Variants in PKD1L1 observed in about 807,000 individuals in gnomAD.
PKD1L1 encodes polycystin-1-like protein 1.
Under a neutral mutation model 323.4 loss-of-function variants are expected in PKD1L1, and 236 were observed. The ratio of observed to expected loss-of-function variants is 0.73; its 90% CI spans 0.66 to 0.81. The LOEUF (loss-of-function observed/expected upper bound fraction) is 0.81. PKD1L1 is among the 40% of genes least tolerant of loss of function. The probability of loss-of-function intolerance (pLI) is 0.00; values close to 1 mark genes in which losing one functional copy is unlikely to be tolerated. For missense variants in PKD1L1, 3,320 were observed against 3,508.0 expected (o/e 0.95, Z 1.35); for synonymous variants, 1,344 against 1,335.0 (o/e 1.01, Z -0.15).
At chr7:47,794,568 G>A (rs962907347) in intron 55 of PKD1L1, among the ~76,000 whole-genome samples, 1 of 152,198 alleles carries the variant, frequency 6.6e-6, no homozygotes, top group African/African-American at 2.4e-5. Context: ...GCAGGGGCGG[G>A]GCCCTTATGG....
At chr7:47,944,013 A>G (rs1788049609) in intron 1 of PKD1L1, among the ~76,000 whole-genome samples, 1 of 152,248 alleles carries the variant, frequency 6.6e-6, no homozygotes, top group South Asian at 2.1e-4. Flanking sequence ...GCAGACACAG[A>G]GTAGGCACTG....
rs939903 is a variant in PKD1L1, at chr7:47,931,729, A to C, written c.519+207T>G. Among the ~76,000 whole-genome samples, 122,739 of 152,252 alleles carry C rather than the reference A, an allele frequency of 0.81. 50,200 individuals carry two copies. The highest frequency in any genetic ancestry group is 1 in the East Asian group (5,156 of 5,180). On this transcript the variant is annotated intron_variant, in intron 5 of 56. Transcript: ENST00000289672. Reference sequence around the variant, plus strand: ...CAGACAGCAAAAATGCTCTTACAGAAAGCAAAAATATTTTCCCTTACTGTG... The same window carrying C: ...CAGACAGCAAAAATGCTCTTACAGACAGCAAAAATATTTTCCCTTACTGTG...
chr7:47,932,027 GC>G lies in PKD1L1; in HGVS notation c.427del (p.Ala143GlnfsTer44), dbSNP rs1160103374. ...RIPHKPFIII[A>X]RAWSSGGPRF... ...GGGGCCACCACTGCTCCAGGCCCTT[GC>G]GATTATAATGAAAGGTTTGTGGGGA... is the stretch of plus-strand genomic sequence containing the variant. On this transcript the variant is annotated frameshift_variant, in exon 5 of 57. Transcript: ENST00000289672. LOFTEE classifies it high-confidence loss of function. 1.2e-5 allele frequency: 20 copies of G among 1,612,472 alleles called. No individual in the cohort carries two copies. Among genetic ancestry groups the G allele is most frequent in the Non-Finnish European group, 1.6e-5 (19 of 1,179,234 alleles).
intron 8 of PKD1L1, among the ~76,000 whole-genome samples, chr7:47,914,767 C>T (rs11770913): frequency 7.8e-4 from 119 of 152,028 alleles, no homozygotes; most frequent in Non-Finnish European, 1.1e-3. Flanking sequence ...AACATCCCCT[C>T]TCCCTCATCA....
At chr7:47,827,508 G>A (rs1785262889) in intron 44 of PKD1L1, 40 bp from the exon 45 acceptor site, 1 of 1,550,348 alleles carries the variant, frequency 6.5e-7, no homozygotes, top group Non-Finnish European at 8.8e-7. Context: ...GGGCTGGTGG[G>A]TGGAAGGAGA....
intron 56 of PKD1L1, among the ~76,000 whole-genome samples, chr7:47,783,040 G>C (rs1282454231): frequency 6.6e-6 from 1 of 152,148 alleles, no homozygotes. Context: ...CTTACCTGAG[G>C]AGGAGGCAAC....
At position 47,834,445 on chromosome 7, in the gene PKD1L1, G is replaced by A. The variant is rs979473886; in HGVS notation, c.6128-60C>T. ...CTTTGGGGTGATACATTTAAACAGG[G>A]ATATGTTTAAGGATTAGCGGGGACA... On this transcript the variant is annotated intron_variant, in intron 39 of 56. Coordinates refer to ENST00000289672, the MANE Select transcript of PKD1L1 (RefSeq NM_138295.5). 7 of 1,393,430 alleles carry A rather than the reference G, an allele frequency of 5.0e-6. No individual in the cohort carries two copies. The East Asian group carries it at 1.4e-4, about 27-fold the overall frequency. 86.3% of individuals were successfully genotyped at this position (1,393,430 alleles called of 1,614,324 possible). A position where few individuals can be genotyped will look rare whatever the true frequency, so the allele number is the denominator to read the frequency against.
chr7:47,884,571 A>T, intron 19 of PKD1L1, 27 bp downstream of exon 19: 1 of 1,605,006 alleles, frequency 6.2e-7, no homozygotes, highest in Non-Finnish European at 8.5e-7. Context: ...GAGTGGAGAG[A>T]GGCAGCAGGC....
chr7:47,854,343 A>G (rs1414590840), intron 30 of PKD1L1, among the ~76,000 whole-genome samples: 1 of 151,930 alleles, frequency 6.6e-6, no homozygotes, highest in South Asian at 2.1e-4. Context: ...GCCCATCCAG[A>G]CCTCCAACGA....
At chr7:47,820,144 C>T (rs539630620) in intron 46 of PKD1L1, among the ~76,000 whole-genome samples, 1 of 152,184 alleles carries the variant, frequency 6.6e-6, no homozygotes, top group East Asian at 1.9e-4. Flanking sequence ...GAAAATAAAG[C>T]CTAACCATGG....
chr7:47,775,247 A>C, intron 56 of PKD1L1, 81 bp from the exon 57 acceptor site: 1 of 1,557,068 alleles, frequency 6.4e-7, no homozygotes, highest in South Asian at 1.1e-5. Flanking sequence ...GAAAGGCAGC[A>C]AGTGCTGATC....
At chr7:47,785,148 T>C (rs1319643685) in intron 56 of PKD1L1, among the ~76,000 whole-genome samples, 1 of 152,166 alleles carries the variant, frequency 6.6e-6, no homozygotes, top group Non-Finnish European at 1.5e-5. Context: ...AACTATGGGG[T>C]GCATTCTTCC....
At chr7:47,939,895 C>T (rs1371041789) in intron 3 of PKD1L1, among the ~76,000 whole-genome samples, 2 of 151,936 alleles carry the variant, frequency 1.3e-5, no homozygotes, top group African/African-American at 2.4e-5. Flanking sequence ...AGCCCCTACT[C>T]CCCACCTGCA....
chr7:47,884,822 C>T (rs577017177), intron 18 of PKD1L1, among the ~76,000 whole-genome samples, 165 bp from the exon 19 acceptor site: 7 of 152,280 alleles, frequency 4.6e-5, no homozygotes, highest in African/African-American at 1.7e-4. Flanking sequence ...TTCCCTCACT[C>T]ATGACAGCTG....
At position 47,919,394 on chromosome 7, in the gene PKD1L1, A is replaced by C. The variant is rs1194807200; in HGVS notation, c.1061-3795T>G. ...TTGAAATGTTAATTTAAAAATTAAC[A>C]ACAAAAAAAGTCCAGGTCCAGACGA... On this transcript the variant is annotated intron_variant, in intron 7 of 56. Transcript: ENST00000289672. Among the ~76,000 whole-genome samples, 4 of 152,196 alleles carry C rather than the reference A, an allele frequency of 2.6e-5. No individual in the cohort carries two copies. In the East Asian group the frequency reaches 7.7e-4, roughly 29 times the overall value.
intron 30 of PKD1L1, among the ~76,000 whole-genome samples, chr7:47,853,766 CAAA>C (rs58842095): frequency 3.5e-4 from 38 of 108,182 alleles, no homozygotes; most frequent in African/African-American, 1.1e-3. Context: ...ACAAACAAAC[CAAA>C]AAAAAAAAAA....
chr7:47,899,554 G>A (rs1428977597), intron 13 of PKD1L1, among the ~76,000 whole-genome samples: 1 of 152,092 alleles, frequency 6.6e-6, no homozygotes, highest in East Asian at 1.9e-4. Flanking sequence ...GCCAGGCTAG[G>A]GGGCCTCAGG....
At chr7:47,888,264 A>G in intron 16 of PKD1L1, 114 bp from the exon 17 acceptor site, 1 of 1,067,248 alleles carries the variant, frequency 9.4e-7, no homozygotes, top group Non-Finnish European at 1.4e-6. Flanking sequence ...TTATTAAGGG[A>G]CTTCAATAGC....
In PKD1L1 at chr7:47,854,913, T is replaced by C; in HGVS notation, c.4828A>G (p.Thr1610Ala). ...AGCAACATGACGGGAAATGCCCTTG[T>C]AACAGGTTTGGAAAATTCAATTTCT... ...QIEIEFSKPVTRAFPVMLLVR... is the reference protein window; with the variant it reads ...QIEIEFSKPVARAFPVMLLVR... Residue 1610 changes from threonine (T) to alanine (A), a missense_variant, in exon 30 of 57, where the codon ACA (threonine) becomes GCA (alanine). Coordinates refer to ENST00000289672, the MANE Select transcript of PKD1L1 (RefSeq NM_138295.5). The C allele has an allele frequency of 1.9e-6, 3 of 1,614,154 alleles. No individual in the cohort carries two copies. The highest frequency in any genetic ancestry group is 2.5e-6 in the Non-Finnish European group (3 of 1,180,034).
Sources: gnomAD v4.1 joint callset for allele counts (sites outside exome capture counted in the v4.1 genomes callset) on GRCh38, gnomAD v4.1.1 for gene constraint, MANE v1.5 for transcripts, NCBI Gene and HGNC (gene_info 2026-07-23, HGNC 2026-07-21) for gene names.